Variants in CDYL observed in about 807,000 individuals in gnomAD.
CDYL encodes chromodomain Y-like protein.
A neutral mutation model predicts 47.3 loss-of-function variants in CDYL; 8 were observed. That is an observed-to-expected ratio of 0.17 (90% CI 0.10 to 0.31). The LOEUF (loss-of-function observed/expected upper bound fraction) is 0.31, where lower values mean the gene tolerates loss of function less well. Among genes scored for constraint, CDYL ranks in the 10% least tolerant of loss-of-function variants. The pLI is 1.00. For missense variants in CDYL, 471 were observed against 701.4 expected, an observed-to-expected ratio of 0.67 and a Z score of 3.71; for synonymous variants, 266 against 265.0, an observed-to-expected ratio of 1.00 and a Z score of -0.04.
At chr6:4,707,378 A>G (rs900505100) in intron 1 of CDYL, among the ~76,000 whole-genome samples, 1 of 152,162 alleles carries the variant, frequency 6.6e-6, no homozygotes, top group Non-Finnish European at 1.5e-5. Context: ...CCTGGGTTCA[A>G]GCGATTCTCC....
upstream of CDYL, among the ~76,000 whole-genome samples, chr6:4,773,932 C>G (rs1348863897): frequency 6.6e-6 from 1 of 152,140 alleles, no homozygotes; most frequent in African/African-American, 2.4e-5. This position sits in a 1 kb window ranked among gnomAD's most constrained non-coding sequence, Gnocchi z 4.6. Context: ...TAATTCTTCC[C>G]CTTTTTGTTT....
intron 1 of CDYL, among the ~76,000 whole-genome samples, chr6:4,831,913 G>A (rs1234863084): frequency 6.6e-6 from 1 of 151,802 alleles, no homozygotes; most frequent in Non-Finnish European, 1.5e-5. Flanking sequence ...TGTGATTTTT[G>A]TACATTGATT....
Position 4,713,078 on chromosome 6 carries a change from G to A in CDYL, c.-38-2663G>A, listed in dbSNP as rs567639079. 6.9e-4 allele frequency among the ~76,000 whole-genome samples: 105 copies of A among 152,330 alleles called. 4 individuals carry two copies. In the South Asian group the frequency reaches 0.019, roughly 28 times the overall value. Reference sequence around the variant, plus strand: ...GAGGATCGCTTGAGCCCAGAAGGTCGAGGCTGCAGTGAGCCGTGACCACAT... The same window carrying A: ...GAGGATCGCTTGAGCCCAGAAGGTCAAGGCTGCAGTGAGCCGTGACCACAT... On this transcript the variant is annotated intron_variant, in intron 1 of 8. Coordinates refer to the CDYL transcript ENST00000328908.
At chr6:4,716,558 C>T (rs1757267401) in intron 2 of CDYL, among the ~76,000 whole-genome samples, 1 of 149,814 alleles carries the variant, frequency 6.7e-6, no homozygotes, top group African/African-American at 2.5e-5. Context: ...ACACCCTACA[C>T]TCTGTGTTTA....
intron 3 of CDYL, among the ~76,000 whole-genome samples, chr6:4,742,558 C>T (rs560506194): frequency 1.4e-4 from 21 of 145,478 alleles, no homozygotes; most frequent in South Asian, 4.6e-4. Context: ...CAGGTATTGG[C>T]CCGTAGCAAT....
chr6:4,864,844 G>A lies in CDYL; in HGVS notation c.25-26869G>A, dbSNP rs574048227. ...TTTCAGGTATGTCTTTATCAGCAAC[G>A]TGAAAATGAACTAATATACATGCTA... On this transcript the variant is annotated intron_variant, in intron 1 of 6. Coordinates refer to ENST00000397588, the MANE Select transcript of CDYL (RefSeq NM_004824.4). 6.9e-4 allele frequency among the ~76,000 whole-genome samples: 104 copies of A among 150,734 alleles called. 1 individual carries two copies. The highest frequency in any genetic ancestry group is 2.4e-3 in the African/African-American group (98 of 40,090).
intron 3 of CDYL, among the ~76,000 whole-genome samples, chr6:4,739,249 G>A (rs1757755515): frequency 6.6e-6 from 1 of 151,858 alleles, no homozygotes; most frequent in Non-Finnish European, 1.5e-5. Context: ...CAGGCACAGT[G>A]GCTCACTCCT....
intron 3 of CDYL, among the ~76,000 whole-genome samples, chr6:4,742,106 A>T (rs981621732): frequency 3.9e-5 from 6 of 152,180 alleles, no homozygotes; most frequent in Non-Finnish European, 7.3e-5. Context: ...CATGCCTCTA[A>T]CCCCAACATT....
At chr6:4,892,419 C>T (rs764517884) in intron 2 of CDYL, 40 bp downstream of exon 2, 3 of 1,544,918 alleles carry the variant, frequency 1.9e-6, no homozygotes, top group Non-Finnish European at 2.6e-6. Context: ...GTGGTGATCC[C>T]AGAGGGCTCG....
At chr6:4,946,426 C>G (rs531542923) in intron 5 of CDYL, among the ~76,000 whole-genome samples, 89 of 152,314 alleles carry the variant, frequency 5.8e-4, no homozygotes, top group African/African-American at 2.1e-3. Flanking sequence ...TCTTTGAGGC[C>G]TGCTGGATGA....
At chr6:4,718,912 GT>G (rs34940804) in intron 2 of CDYL, among the ~76,000 whole-genome samples, 53,189 of 132,744 alleles carry the variant, frequency 0.4, 10,091 homozygotes, top group African/African-American at 0.57. Context: ...ATTTCCACTG[GT>G]TTTTTTTTTT....
At chr6:4,949,605 TC>T (rs1458767024) in intron 5 of CDYL, among the ~76,000 whole-genome samples, 1 of 152,116 alleles carries the variant, frequency 6.6e-6, no homozygotes, top group African/African-American at 2.4e-5. Context: ...CTACAGGGAG[TC>T]CCTGTGCACT....
intron 5 of CDYL, among the ~76,000 whole-genome samples, chr6:4,944,608 T>C (rs761301067): frequency 5.9e-5 from 9 of 152,146 alleles, no homozygotes; most frequent in Non-Finnish European, 1.0e-4. Context: ...ATTCAGATCA[T>C]TGATGCACCT....
intron 1 of CDYL, among the ~76,000 whole-genome samples, chr6:4,878,687 AGGGC>A (rs1183031516): frequency 1.3e-5 from 2 of 152,066 alleles, no homozygotes; most frequent in Non-Finnish European, 2.9e-5. Flanking sequence ...GTTTTGACTT[AGGGC>A]TATATCAATT....
At chr6:4,713,060 G>C (rs962489817) in intron 1 of CDYL, among the ~76,000 whole-genome samples, 1 of 152,182 alleles carries the variant, frequency 6.6e-6, no homozygotes, top group Non-Finnish European at 1.5e-5. Flanking sequence ...TGGGAGGATC[G>C]CTTGAGCCCA....
intron 1 of CDYL, among the ~76,000 whole-genome samples, chr6:4,836,980 G>A (rs1760334888): frequency 1.3e-5 from 2 of 152,208 alleles, no homozygotes; most frequent in African/African-American, 4.8e-5. Context: ...TCTGCTGGGT[G>A]GAAGTCTCTC....
chr6:4,854,099 C>T (rs1318253928), intron 1 of CDYL, among the ~76,000 whole-genome samples: 1 of 152,356 alleles, frequency 6.6e-6, no homozygotes, highest in East Asian at 1.9e-4. Context: ...CACACGGCCT[C>T]CTCCAGCAGG....
At chr6:4,713,623 C>T (rs138207633) in intron 1 of CDYL, among the ~76,000 whole-genome samples, 5 of 144,752 alleles carry the variant, frequency 3.5e-5, no homozygotes, top group African/African-American at 7.8e-5. Context: ...AATCTTGCTG[C>T]GTTGCCCAGG....
chr6:4,930,906 C>T (rs573147533), intron 2 of CDYL, among the ~76,000 whole-genome samples: 1 of 152,250 alleles, frequency 6.6e-6, no homozygotes, highest in African/African-American at 2.4e-5. Context: ...CCCGTGTCAA[C>T]GATGAGAGTC....
Sources: gnomAD v4.1 joint callset for allele counts (sites outside exome capture counted in the v4.1 genomes callset) on GRCh38, gnomAD v4.1.1 for gene constraint, Gnocchi (gnomAD v3.1) non-coding constraint, MANE v1.5 for transcripts, NCBI Gene and HGNC (gene_info 2026-07-23, HGNC 2026-07-21) for gene names.